Variants in SOCS5 observed in about 807,000 individuals in gnomAD.
SOCS5 encodes the protein suppressor of cytokine signaling 5.
In SOCS5, 32 loss-of-function variants were observed where a neutral mutation model predicts 42.8. That is an observed-to-expected ratio of 0.75 (90% CI 0.56 to 1.01). The LOEUF (loss-of-function observed/expected upper bound fraction) is 1.01. Ranked by LOEUF, SOCS5 falls within the 50% of genes least tolerant of loss-of-function variation. The probability of loss-of-function intolerance (pLI) is 0.00; values close to 1 mark genes in which losing one functional copy is unlikely to be tolerated. For synonymous variants in SOCS5, 283 were observed against 229.6 expected, an observed-to-expected ratio of 1.23 and a Z score of -2.10; for missense variants, 627 against 653.0, an observed-to-expected ratio of 0.96 and a Z score of 0.43.
chr2:46,726,896 A>T (rs921970246), intron 1 of SOCS5, among the ~76,000 whole-genome samples: 2 of 150,378 alleles, frequency 1.3e-5, no homozygotes, highest in African/African-American at 4.9e-5. Flanking sequence ...AGCTGGAATT[A>T]CAGGTGCCTG....
intron 1 of SOCS5, among the ~76,000 whole-genome samples, chr2:46,709,647 T>C (rs769430048): frequency 6.6e-6 from 1 of 152,220 alleles, no homozygotes; most frequent in Non-Finnish European, 1.5e-5. Context: ...ATTTCCTATC[T>C]AAAATGCCTA....
chr2:46,720,565 C>T (rs762637713), intron 1 of SOCS5, among the ~76,000 whole-genome samples: 24 of 152,080 alleles, frequency 1.6e-4, no homozygotes, highest in Admixed American at 3.3e-4. Flanking sequence ...AAGTAAAATC[C>T]AGGTAGCAAA....
intron 1 of SOCS5, among the ~76,000 whole-genome samples, chr2:46,741,021 G>A (rs567054360): frequency 6.6e-6 from 1 of 152,174 alleles, no homozygotes; most frequent in South Asian, 2.1e-4. Context: ...AGAAAGTCAC[G>A]CTGGCTTGAG....
In SOCS5 at chr2:46,759,127, G is replaced by A; in HGVS notation, c.597G>A (p.Lys199=). Reference sequence around the variant, plus strand: ...TGAGAACTTACAGCAAGCAGTCAAAGCCTCTCTTTTCCAATAAAAGAAAAA... The same window carrying A: ...TGAGAACTTACAGCAAGCAGTCAAAACCTCTCTTTTCCAATAAAAGAAAAA... The part of the protein sequence containing the change: ...FPMRTYSKQS[K]PLFSNKRKIH... The change falls in exon 2 of 2, where the codon AAG becomes AAA. Residue 199 remains lysine, a synonymous_variant. Coordinates refer to ENST00000394861, the MANE Select transcript of SOCS5 (RefSeq NM_144949.3). The A allele has an allele frequency of 6.2e-7, 1 of 1,613,974 alleles. No individual in the cohort carries two copies.
At position 46,726,917 on chromosome 2, in the gene SOCS5, C is replaced by T. The variant is rs189105532; in HGVS notation, c.-13+27468C>T. ...AATTACAGGTGCCTGCCACCATGCC[C>T]GGCTAATTTTATATTTTTATTAGAG... On this transcript the variant is annotated intron_variant, in intron 1 of 1. Coordinates refer to ENST00000394861, the MANE Select transcript of SOCS5 (RefSeq NM_144949.3). Among the ~76,000 whole-genome samples the T allele has an allele frequency of 9.3e-3, 1,404 of 151,318 alleles. 22 individuals are homozygous for T. The highest frequency in any genetic ancestry group is 0.03 in the African/African-American group (1,257 of 41,270).
At chr2:46,704,023 T>C (rs1285639840) in intron 1 of SOCS5, among the ~76,000 whole-genome samples, 2 of 152,204 alleles carry the variant, frequency 1.3e-5, no homozygotes, top group African/African-American at 4.8e-5. Context: ...AGAGAGACCA[T>C]ACTGTATTAT....
chr2:46,729,439 G>A (rs1673065535), intron 1 of SOCS5, among the ~76,000 whole-genome samples: 1 of 152,188 alleles, frequency 6.6e-6, no homozygotes, highest in African/African-American at 2.4e-5. Context: ...AGATGGTATA[G>A]CGTACTATAC....
At chr2:46,710,410 G>A (rs974187412) in intron 1 of SOCS5, among the ~76,000 whole-genome samples, 1 of 152,178 alleles carries the variant, frequency 6.6e-6, no homozygotes, top group East Asian at 1.9e-4. Context: ...CTCCCAAAGT[G>A]TTGGGATTAC....
intron 1 of SOCS5, among the ~76,000 whole-genome samples, chr2:46,755,021 G>T (rs1024202757): frequency 4.2e-4 from 64 of 152,224 alleles, no homozygotes; most frequent in African/African-American, 1.4e-3. Flanking sequence ...CTTTTAATCA[G>T]TCTACCTGTC....
intron 1 of SOCS5, among the ~76,000 whole-genome samples, chr2:46,742,873 C>T (rs542456660): frequency 6.6e-6 from 1 of 152,048 alleles, no homozygotes; most frequent in Non-Finnish European, 1.5e-5. Context: ...ACCATGATGG[C>T]CAGGCTAGTC....
chr2:46,735,888 A>G (rs1673233509), intron 1 of SOCS5, among the ~76,000 whole-genome samples: 2 of 152,192 alleles, frequency 1.3e-5, no homozygotes, highest in Admixed American at 1.3e-4. Context: ...TTGACCACAC[A>G]GAACATAGAG....
intron 1 of SOCS5, among the ~76,000 whole-genome samples, chr2:46,754,571 G>A (rs1324643765): frequency 6.6e-6 from 1 of 151,970 alleles, no homozygotes. Context: ...AAGTGTCTGG[G>A]TATACTAGAT....
chr2:46,746,599 C>T (rs1046379778), intron 1 of SOCS5, among the ~76,000 whole-genome samples: 4 of 150,776 alleles, frequency 2.7e-5, no homozygotes, highest in Non-Finnish European at 1.5e-5. Context: ...TGCAGTGAGC[C>T]GAGATTGCAC....
At position 46,762,866 on chromosome 2, in the gene SOCS5, A is replaced by T. The variant is rs1322470521; in HGVS notation, c.*2725A>T. The T allele has an allele frequency of 1.8e-5, 3 of 165,996 alleles. No individual in the cohort carries two copies. The Admixed American group carries it at 2.0e-4, about 11-fold the overall frequency. The allele number at this position is 165,996 out of a possible 1,614,324, so 10.3% of individuals were successfully genotyped here. A position where few individuals can be genotyped will look rare whatever the true frequency, so the allele number is the denominator to read the frequency against. On this transcript the variant is annotated 3_prime_UTR_variant, in exon 2 of 2. Transcript: ENST00000394861. ...GTACCCATTCTCATTCATTTTCTTC[A>T]TTCCCTTACACACACACACACACCT...
chr2:46,749,219 G>A (rs564425936), intron 1 of SOCS5, among the ~76,000 whole-genome samples: 1 of 152,262 alleles, frequency 6.6e-6, no homozygotes, highest in Non-Finnish European at 1.5e-5. Context: ...AACTGACTCA[G>A]CAATAATCTC....
chr2:46,711,431 T>G (rs1327477081), intron 1 of SOCS5, among the ~76,000 whole-genome samples: 4 of 152,196 alleles, frequency 2.6e-5, no homozygotes. Context: ...TCATCCTTAG[T>G]GATATGTCTG....
chr2:46,721,374 G>A (rs556417648), intron 1 of SOCS5, among the ~76,000 whole-genome samples: 1 of 152,180 alleles, frequency 6.6e-6, no homozygotes, highest in African/African-American at 2.4e-5. Flanking sequence ...TAGGGCATGG[G>A]ATATTTTAAG....
rs1381905622 is a variant in SOCS5 at position 46,699,546 on chromosome 2, G to C, written c.-13+97G>C. ...TCTCGGTGCCCCAGTGCCCGCGCCC[G>C]GCGCATTCCGCCCCCGGCTGTCGCC... On this transcript the variant is annotated intron_variant, in intron 1 of 1. Coordinates refer to ENST00000394861, the MANE Select transcript of SOCS5 (RefSeq NM_144949.3). This position sits in a 1 kb window ranked among gnomAD's most constrained non-coding sequence, Gnocchi z 4.8. 1.3e-5 allele frequency: 2 copies of C among 151,648 alleles called. No individual in the cohort carries two copies. The highest frequency in any genetic ancestry group is 2.9e-5 in the Non-Finnish European group (2 of 67,826). 9.4% of individuals were successfully genotyped at this position (151,648 alleles called of 1,614,324 possible).
At chr2:46,722,328 AG>A (rs1672902803) in intron 1 of SOCS5, among the ~76,000 whole-genome samples, 1 of 89,986 alleles carries the variant, frequency 1.1e-5, no homozygotes. Context: ...TTGCCAGTCA[AG>A]GGGGAAAAAA....
Sources: allele counts gnomAD v4.1 joint callset (sites outside exome capture counted in the v4.1 genomes callset), GRCh38; gene constraint gnomAD v4.1.1; non-coding constraint Gnocchi (gnomAD v3.1); transcripts MANE v1.5; gene names NCBI Gene and HGNC (gene_info 2026-07-23, HGNC 2026-07-21).